Variants in ACVR1B observed in about 807,000 individuals in gnomAD.
ACVR1B encodes the protein activin A receptor type 1B.
In ACVR1B, 15 loss-of-function variants were observed where a neutral mutation model predicts 55.6. The observed-to-expected ratio is 0.27, with a 90% CI of 0.18 to 0.42. The LOEUF is 0.42. ACVR1B is among the 10% of genes least tolerant of loss of function. The probability of loss-of-function intolerance (pLI) is 1.00; values close to 1 mark genes in which losing one functional copy is unlikely to be tolerated. For missense variants in ACVR1B, 359 were observed against 670.1 expected (o/e 0.54, Z 5.13); for synonymous variants, 247 against 254.6 (o/e 0.97, Z 0.28).
intron 3 of ACVR1B, among the ~76,000 whole-genome samples, chr12:51,980,747 G>A (rs540424987): frequency 9.3e-4 from 141 of 152,070 alleles, no homozygotes; most frequent in Non-Finnish European, 1.7e-3. Flanking sequence ...AATCATACAC[G>A]TTTCCTGTTT....
At chr12:51,973,658 C>T (rs568062773) in intron 1 of ACVR1B, among the ~76,000 whole-genome samples, 1 of 152,240 alleles carries the variant, frequency 6.6e-6, no homozygotes, top group East Asian at 1.9e-4. Context: ...GATTTGGATC[C>T]TAGTCTAATA....
chr12:51,965,117 T>G (rs1941615279), intron 1 of ACVR1B, among the ~76,000 whole-genome samples: 1 of 152,210 alleles, frequency 6.6e-6, no homozygotes, highest in Admixed American at 6.5e-5. Flanking sequence ...ACAAGTTCGG[T>G]TCTCAGTTTT....
chr12:51,974,578 A>G (rs1203578758), intron 1 of ACVR1B, among the ~76,000 whole-genome samples: 2 of 152,032 alleles, frequency 1.3e-5, no homozygotes, highest in Non-Finnish European at 2.9e-5. Context: ...GCCTTTCAGG[A>G]TGGGTTAAAT....
At chr12:51,969,728 G>A (rs912996613) in intron 1 of ACVR1B, among the ~76,000 whole-genome samples, 1 of 152,100 alleles carries the variant, frequency 6.6e-6, no homozygotes, top group Non-Finnish European at 1.5e-5. Context: ...TGTGTATAAA[G>A]AACTATCTTA....
chr12:51,986,016 T>TC (rs1942069834), intron 6 of ACVR1B, among the ~76,000 whole-genome samples: 1 of 152,154 alleles, frequency 6.6e-6, no homozygotes, highest in Admixed American at 6.5e-5. Context: ...TAATTACTAC[T>TC]CAGAGTCATT....
At chr12:51,984,303 AG>A in intron 5 of ACVR1B, 137 bp downstream of exon 5, 2 of 1,054,966 alleles carry the variant, frequency 1.9e-6, no homozygotes, top group Non-Finnish European at 2.7e-6. Context: ...TTTAAAGGAA[AG>A]GAGGTTTGAG....
At chr12:51,987,462 A>G (rs1017613923) in intron 7 of ACVR1B, 2 of 313,630 alleles carry the variant, frequency 6.4e-6, no homozygotes, top group African/African-American at 4.3e-5. Context: ...TCATGACAGA[A>G]TCCAGTAAGA....
rs769120851 is a variant in ACVR1B, at chr12:51,984,154, G to A, written c.967G>A (p.Val323Met). ...GCTGGCACACCTGCACATGGAGATCGTGGGCACCCAAGGTGAGTGGACTAG... is the reference window on the plus strand; with the variant it reads ...GCTGGCACACCTGCACATGGAGATCATGGGCACCCAAGGTGAGTGGACTAG... ...SGLAHLHMEI[V>M]GTQGKPGIAH... Residue 323 changes from valine (V) to methionine (M), a missense_variant, in exon 5 of 9, where the codon GTG becomes ATG. Physicochemically the swap from Val to Met is conservative, Grantham distance 21. Coordinates refer to ENST00000257963, the MANE Select transcript of ACVR1B (RefSeq NM_004302.5). 2 of 1,614,178 alleles carry A rather than the reference G, an allele frequency of 1.2e-6. No homozygotes were observed. Among genetic ancestry groups the A allele is most frequent in the Non-Finnish European group, 1.7e-6 (2 of 1,180,030 alleles).
chr12:51,971,555 C>G (rs1592250005), intron 1 of ACVR1B, among the ~76,000 whole-genome samples: 1 of 152,142 alleles, frequency 6.6e-6, no homozygotes, highest in Non-Finnish European at 1.5e-5. Flanking sequence ...GAAACAGATT[C>G]TAAGGGGCTG....
chr12:51,980,429 C>G (rs964887302), intron 3 of ACVR1B, among the ~76,000 whole-genome samples: 44 of 152,114 alleles, frequency 2.9e-4, no homozygotes, highest in African/African-American at 1.0e-3. Context: ...ATAGATGGTC[C>G]TCCATTCTAC....
At chr12:51,987,114 G>T in intron 7 of ACVR1B, 172 bp downstream of exon 7, 2 of 867,410 alleles carry the variant, frequency 2.3e-6, no homozygotes, top group Non-Finnish European at 3.9e-6. Flanking sequence ...CTTAGGGTGC[G>T]TTTATTCTTC....
Position 51,985,283 on chromosome 12 carries a change from T to C in ACVR1B, c.1071T>C (p.Ala357=), listed in dbSNP as rs2120702671. 1 of 1,614,026 alleles carries C rather than the reference T, an allele frequency of 6.2e-7. No individual in the cohort carries two copies. Among genetic ancestry groups the C allele is most frequent in the East Asian group, 2.2e-5 (1 of 44,862 alleles). ...GMCAIADLGL[A]VRHDAVTDTI... is the part of the protein sequence containing the mutation. ...GTGCCATAGCAGACCTGGGCCTGGCTGTCCGTCATGATGCAGTCACTGACA... is the reference window on the plus strand; with the variant it reads ...GTGCCATAGCAGACCTGGGCCTGGCCGTCCGTCATGATGCAGTCACTGACA... The change falls in exon 6 of 9, where the codon GCT becomes GCC. Residue 357 remains alanine, a synonymous_variant. Transcript: ENST00000257963.
chr12:51,954,278 G>T (rs574207917), intron 1 of ACVR1B, among the ~76,000 whole-genome samples: 2 of 152,170 alleles, frequency 1.3e-5, no homozygotes, highest in Non-Finnish European at 2.9e-5. Context: ...AGGAGAATGA[G>T]TTTCAGTTAG....
intron 1 of ACVR1B, among the ~76,000 whole-genome samples, chr12:51,970,512 C>T (rs1289776267): frequency 2.0e-5 from 3 of 152,216 alleles, no homozygotes; most frequent in Non-Finnish European, 4.4e-5. Flanking sequence ...GGGAAACAAA[C>T]TGAAAACATC....
intron 1 of ACVR1B, among the ~76,000 whole-genome samples, chr12:51,974,985 C>G (rs1941819743): frequency 6.6e-6 from 1 of 152,156 alleles, no homozygotes; most frequent in Non-Finnish European, 1.5e-5. Flanking sequence ...AGATGCTTTC[C>G]TCTTGTCAGG....
chr12:51,966,177 C>G (rs1941637620), intron 1 of ACVR1B, among the ~76,000 whole-genome samples: 1 of 152,134 alleles, frequency 6.6e-6, no homozygotes, highest in African/African-American at 2.4e-5. Flanking sequence ...AGTATTCTAG[C>G]CAGAAATTTG....
Position 51,980,957 on chromosome 12 carries a change from T to A in ACVR1B, c.581-12T>A. ...TGCAATGTCAGGTTTCTTCCTATTC[T>A]TTGGTTCACAGGGTTACCCCTCTTT... On this transcript the variant is annotated splice_polypyrimidine_tract_variant and intron_variant, in intron 3 of 8. Coordinates refer to ENST00000257963, the MANE Select transcript of ACVR1B (RefSeq NM_004302.5). 1 of 1,575,796 alleles carries A rather than the reference T, an allele frequency of 6.3e-7. No homozygotes were observed. Among genetic ancestry groups the A allele is most frequent in the Non-Finnish European group, 8.6e-7 (1 of 1,160,282 alleles).
intron 4 of ACVR1B, among the ~76,000 whole-genome samples, chr12:51,982,106 T>G (rs1941991908): frequency 6.6e-6 from 1 of 152,144 alleles, no homozygotes; most frequent in Admixed American, 6.5e-5. Context: ...TAAGGGTGAT[T>G]AGAGGAGGTA....
chr12:51,982,947 C>A, intron 4 of ACVR1B: 1 of 801,956 alleles, frequency 1.2e-6, no homozygotes. Flanking sequence ...GTGCGAGAAG[C>A]AGTGTGTTGG....
Sources: gnomAD v4.1 joint callset for allele counts (sites outside exome capture counted in the v4.1 genomes callset) on GRCh38, gnomAD v4.1.1 for gene constraint, MANE v1.5 for transcripts, NCBI Gene and HGNC (gene_info 2026-07-23, HGNC 2026-07-21) for gene names.